The following CNTNAP2 variants were observed in gnomAD, a reference collection of about 807,000 sequenced individuals.
CNTNAP2 encodes contactin associated protein 2.
Under a neutral mutation model 155.2 loss-of-function variants are expected in CNTNAP2, and 98 were observed. The ratio of observed to expected loss-of-function variants is 0.63; its 90% CI spans 0.54 to 0.75. The LOEUF is 0.75. CNTNAP2 is among the 30% of genes least tolerant of loss of function. The pLI, the probability that CNTNAP2 is intolerant of heterozygous loss-of-function variation, is 0.00. For missense variants in CNTNAP2, 1,727 were observed against 1,688.1 expected, an observed-to-expected ratio of 1.02 and a Z score of -0.40; for synonymous variants, 651 against 631.2, an observed-to-expected ratio of 1.03 and a Z score of -0.47.
At chr7:146,198,679 T>G (rs1219102115) in intron 1 of CNTNAP2, among the ~76,000 whole-genome samples, 1 of 152,180 alleles carries the variant, frequency 6.6e-6, no homozygotes, top group African/African-American at 2.4e-5. Flanking sequence ...CTAAGAAAAA[T>G]TCCTGCAATG....
chr7:147,047,799 G>A (rs1799395183), intron 4 of CNTNAP2, among the ~76,000 whole-genome samples: 1 of 152,172 alleles, frequency 6.6e-6, no homozygotes, highest in African/African-American at 2.4e-5. Flanking sequence ...AAAAATAACT[G>A]AAGCAAATCA....
Position 147,226,487 on chromosome 7 carries a change from G to A in CNTNAP2, c.1349-73654G>A, listed in dbSNP as rs544518380. ...TGGAAATGTGGCATGAACTCTTCCC[G>A]GGGTGGTAGGAGATCAATGAGGAGC... is the stretch of plus-strand genomic sequence containing the variant. On this transcript the variant is annotated intron_variant, in intron 8 of 23. Transcript: ENST00000361727. Among the ~76,000 whole-genome samples, 10 of 152,054 alleles carry A rather than the reference G, an allele frequency of 6.6e-5. No homozygotes were observed. The East Asian group carries it at 9.7e-4, about 15-fold the overall frequency.
intron 12 of CNTNAP2, among the ~76,000 whole-genome samples, chr7:147,633,130 T>C (rs1795116970): frequency 6.6e-6 from 1 of 152,228 alleles, no homozygotes; most frequent in Non-Finnish European, 1.5e-5. Flanking sequence ...CCTTGGGACA[T>C]GGTGCCCAGC....
chr7:147,107,355 T>A (rs1056940833), intron 4 of CNTNAP2, among the ~76,000 whole-genome samples: 15 of 152,176 alleles, frequency 9.9e-5, no homozygotes, highest in African/African-American at 3.1e-4. Flanking sequence ...TCCCATTTTT[T>A]AAAAAGTTTA....
chr7:148,204,566 T>A (rs4368898), intron 18 of CNTNAP2, among the ~76,000 whole-genome samples: 129,745 of 152,244 alleles, frequency 0.85, 56,110 homozygotes, highest in East Asian at 0.96. Flanking sequence ...GTAATAGGGC[T>A]TTTGTAGATT....
intron 1 of CNTNAP2, among the ~76,000 whole-genome samples, chr7:146,702,953 G>A (rs1800901763): frequency 6.6e-6 from 1 of 152,054 alleles, no homozygotes; most frequent in African/African-American, 2.4e-5. Context: ...CTTTGTTGTT[G>A]ATCTTATATG....
intron 1 of CNTNAP2, among the ~76,000 whole-genome samples, chr7:146,430,289 T>A (rs373679746): frequency 2.6e-5 from 4 of 152,008 alleles, no homozygotes; most frequent in African/African-American, 9.6e-5. Flanking sequence ...CATGTCCAAA[T>A]AATCACAGAA....
chr7:148,297,827 T>C (rs977845844), intron 21 of CNTNAP2, among the ~76,000 whole-genome samples: 9 of 152,156 alleles, frequency 5.9e-5, no homozygotes, highest in Admixed American at 5.9e-4. Flanking sequence ...ACCTCTTCTT[T>C]GCCTTTCCCC....
At chr7:147,537,235 CAAAT>C (rs978672854) in intron 11 of CNTNAP2, among the ~76,000 whole-genome samples, 275 of 152,170 alleles carry the variant, frequency 1.8e-3, no homozygotes, top group African/African-American at 6.4e-3. Flanking sequence ...TAATGTTTTT[CAAAT>C]AAGTACATTT....
In CNTNAP2 at chr7:147,562,163, C is replaced by G; in HGVS notation, c.1803C>G (p.Ala601=). 1.2e-6 allele frequency: 2 copies of G among 1,613,976 alleles called. No homozygotes were observed. The highest frequency in any genetic ancestry group is 1.7e-6 in the Non-Finnish European group (2 of 1,179,908). Residue 601 remains alanine (A), a synonymous_variant, in exon 12 of 24, where the codon GCC becomes GCG. Coordinates refer to ENST00000361727, the MANE Select transcript of CNTNAP2 (RefSeq NM_014141.6). The part of the protein sequence containing the change: ...HNSIYEPSCE[A]YKHLGQTSNY... ...CTATCTACGAGCCTTCCTGTGAAGCCTACAAACACCTAGGACAGACATCAA... is the reference window on the plus strand; with the variant it reads ...CTATCTACGAGCCTTCCTGTGAAGCGTACAAACACCTAGGACAGACATCAA...
intron 15 of CNTNAP2, among the ~76,000 whole-genome samples, chr7:148,108,059 C>A (rs1804261858): frequency 6.6e-6 from 1 of 152,220 alleles, no homozygotes; most frequent in Admixed American, 6.5e-5. Context: ...TAGCCACCAT[C>A]TCTTCCCCCT....
At chr7:147,128,899 G>A in intron 7 of CNTNAP2, 63 bp downstream of exon 7, 2 of 1,596,708 alleles carry the variant, frequency 1.3e-6, no homozygotes, top group African/African-American at 1.3e-5. Flanking sequence ...TTGTTTTTTG[G>A]ATTATTGAAC....
intron 8 of CNTNAP2, among the ~76,000 whole-genome samples, chr7:147,193,937 T>A (rs764636644): frequency 5.3e-4 from 80 of 151,980 alleles, no homozygotes; most frequent in Admixed American, 1.5e-3. Flanking sequence ...TGAATGCCAA[T>A]AATTATCTTA....
rs187350230 is a variant in CNTNAP2 at position 147,682,953 on chromosome 7, C to T, written c.2098+43647C>T. Among the ~76,000 whole-genome samples the T allele has an allele frequency of 1.0e-3, 154 of 151,850 alleles. 1 individual carries two copies. Among genetic ancestry groups the T allele is most frequent in the Admixed American group, 1.7e-3 (26 of 15,192 alleles). ...TTTGAAAGCTATTATGGGTAAAAAA[C>T]ATCTAAAGGGTTTACACACACACAA... On this transcript the variant is annotated intron_variant, in intron 13 of 23. Coordinates refer to ENST00000361727, the MANE Select transcript of CNTNAP2 (RefSeq NM_014141.6).
intron 15 of CNTNAP2, among the ~76,000 whole-genome samples, chr7:148,013,755 C>T (rs1802123894): frequency 6.6e-6 from 1 of 152,218 alleles, no homozygotes; most frequent in Middle Eastern, 3.4e-3. Context: ...ATTACGTACA[C>T]AAGTGTGCCT....
intron 16 of CNTNAP2, among the ~76,000 whole-genome samples, chr7:148,146,523 T>C (rs962285286): frequency 2.6e-5 from 4 of 152,232 alleles, no homozygotes; most frequent in Non-Finnish European, 5.9e-5. Context: ...GAGAGGTGAC[T>C]AATTGCAGAG....
chr7:146,223,617 A>C (rs778343660), intron 1 of CNTNAP2, among the ~76,000 whole-genome samples: 5 of 152,152 alleles, frequency 3.3e-5, no homozygotes, highest in Admixed American at 6.6e-5. Context: ...GGCAATCTTG[A>C]CTCTAGACAA....
At chr7:147,755,721 C>T (rs1291746471) in intron 13 of CNTNAP2, among the ~76,000 whole-genome samples, 1 of 152,182 alleles carries the variant, frequency 6.6e-6, no homozygotes, top group Non-Finnish European at 1.5e-5. Context: ...GGGCCAGCTT[C>T]GTAGCCATCC....
chr7:146,976,669 C>A (rs1199874552), intron 3 of CNTNAP2, among the ~76,000 whole-genome samples: 1 of 152,096 alleles, frequency 6.6e-6, no homozygotes, highest in African/African-American at 2.4e-5. Context: ...TTCAGCTGTC[C>A]AGAAGCTCTT....
Sources: gnomAD v4.1 joint callset for allele counts (sites outside exome capture counted in the v4.1 genomes callset) on GRCh38, gnomAD v4.1.1 for gene constraint, MANE v1.5 for transcripts, NCBI Gene and HGNC (gene_info 2026-07-23, HGNC 2026-07-21) for gene names.